FARSB: variants seen among roughly 807,000 people sequenced by gnomAD.
The protein encoded by FARSB is phenylalanyl-tRNA synthetase subunit beta.
In FARSB, 40 loss-of-function variants were observed where a neutral mutation model predicts 69.6. The ratio of observed to expected loss-of-function variants is 0.57; its 90% confidence interval spans 0.45 to 0.75. The LOEUF (loss-of-function observed/expected upper bound fraction) is 0.75, where lower values mean the gene tolerates loss of function less well. Among genes scored for constraint, FARSB ranks in the 30% least tolerant of loss-of-function variants. The pLI, the probability that FARSB is intolerant of heterozygous loss-of-function variation, is 0.00. For missense variants in FARSB, 632 were observed against 722.9 expected (o/e 0.87, Z 1.44); for synonymous variants, 235 against 247.2 (o/e 0.95, Z 0.46).
At chr2:222,604,211 C>G (rs1257001719) in intron 15 of FARSB, among the ~76,000 whole-genome samples, 4 of 148,206 alleles carry the variant, frequency 2.7e-5, no homozygotes, top group Non-Finnish European at 5.9e-5. Context: ...GAGCGAGACT[C>G]CGTCTTAAAA....
intron 14 of FARSB, among the ~76,000 whole-genome samples, chr2:222,619,066 C>T (rs1691071150): frequency 6.6e-6 from 1 of 151,282 alleles, no homozygotes; most frequent in Non-Finnish European, 1.5e-5. Context: ...GGCGTGAACC[C>T]GGGAGGCGGA....
intron 13 of FARSB, among the ~76,000 whole-genome samples, chr2:222,621,133 T>C (rs1014270295): frequency 6.6e-6 from 1 of 152,182 alleles, no homozygotes; most frequent in Non-Finnish European, 1.5e-5. Context: ...AAACTAGTCC[T>C]CTCTGTGTAA....
chr2:222,613,641 G>C (rs1054388507), intron 15 of FARSB, among the ~76,000 whole-genome samples, 170 bp downstream of exon 15: 8 of 152,220 alleles, frequency 5.3e-5, no homozygotes, highest in Non-Finnish European at 1.0e-4. Flanking sequence ...GAAGTTGATA[G>C]TGGTATAGAT....
At chr2:222,629,980 A>G (rs146320728) in intron 9 of FARSB, 133 bp downstream of exon 9, 1 of 611,110 alleles carries the variant, frequency 1.6e-6, no homozygotes. Context: ...GGCTCAAGCA[A>G]TCCTCCCGCC....
chr2:222,588,926 C>T lies in FARSB; in HGVS notation c.1618+11002G>A, dbSNP rs181545107. On this transcript the variant is annotated intron_variant, in intron 16 of 16. Transcript: ENST00000281828. ...GGAAGAATCAATATCGTGAAAATGG[C>T]CATACTGCCCAAGGTAATTTATAGA... Among the ~76,000 whole-genome samples, 790 of 152,198 alleles carry T rather than the reference C, an allele frequency of 5.2e-3. 17 individuals carry two copies. The East Asian group carries it at 0.064, about 12-fold the overall frequency.
rs769932780 is a variant in FARSB, at chr2:222,624,447, G to A, written c.995C>T (p.Thr332Ile). 2 of 1,613,090 alleles carry A rather than the reference G, an allele frequency of 1.2e-6. No homozygotes were observed. ...ETPENLAKLLTRMYLKSEVIG... is the reference protein window; with the variant it reads ...ETPENLAKLLIRMYLKSEVIG... Reference sequence around the variant, plus strand: ...GACTTCTGATTTTAAATACATCCTGGTCAGAAGTTTGGCAAGATTTTCTGG... The same window carrying A: ...GACTTCTGATTTTAAATACATCCTGATCAGAAGTTTGGCAAGATTTTCTGG... Residue 332 changes from threonine to isoleucine, a missense_variant, in exon 12 of 17, where the codon ACC (threonine) becomes ATC (isoleucine). Coordinates refer to ENST00000281828, the MANE Select transcript of FARSB (RefSeq NM_005687.5).
chr2:222,599,709 G>A (rs1399159258), intron 16 of FARSB, among the ~76,000 whole-genome samples: 1 of 152,138 alleles, frequency 6.6e-6, no homozygotes, highest in African/African-American at 2.4e-5. Flanking sequence ...CAGTTGGAAC[G>A]AAAGTATACT....
intron 12 of FARSB, 51 bp from the exon 13 acceptor site, chr2:222,623,781 TA>T (rs780113989): frequency 2.6e-6 from 3 of 1,142,928 alleles, no homozygotes; most frequent in Non-Finnish European, 4.0e-6. Context: ...TCTTGTTTTT[TA>T]AAAGGGAGAT....
At chr2:222,627,694 TAC>T (rs1691313191) in intron 10 of FARSB, among the ~76,000 whole-genome samples, 1 of 152,266 alleles carries the variant, frequency 6.6e-6, no homozygotes, top group South Asian at 2.1e-4. Context: ...TTATGCTTCA[TAC>T]AGTTATGTTT....
intron 16 of FARSB, among the ~76,000 whole-genome samples, chr2:222,574,606 A>G (rs1332221944): frequency 6.6e-6 from 1 of 152,184 alleles, no homozygotes; most frequent in African/African-American, 2.4e-5. Flanking sequence ...CCTATCATCC[A>G]ATACAAATTA....
intron 16 of FARSB, among the ~76,000 whole-genome samples, chr2:222,574,769 G>A (rs1412291341): frequency 6.6e-6 from 1 of 152,180 alleles, no homozygotes; most frequent in Non-Finnish European, 1.5e-5. Context: ...AACACTTCTT[G>A]TGATTTTCTT....
At chr2:222,643,689 T>C (rs1258027813) in intron 2 of FARSB, among the ~76,000 whole-genome samples, 1 of 152,048 alleles carries the variant, frequency 6.6e-6, no homozygotes, top group East Asian at 1.9e-4. Context: ...CAGACACTGG[T>C]AAAAATTAGA....
chr2:222,620,529 C>G (rs1401804267), intron 13 of FARSB, among the ~76,000 whole-genome samples: 1 of 152,192 alleles, frequency 6.6e-6, no homozygotes, highest in Admixed American at 6.5e-5. Context: ...ATTAAAAACT[C>G]ACTGACGATT....
chr2:222,617,630 T>C lies in FARSB; in HGVS notation c.1344+2015A>G, dbSNP rs559187293. 1.4e-4 allele frequency among the ~76,000 whole-genome samples: 22 copies of C among 152,338 alleles called. 1 individual carries two copies. The East Asian group carries it at 4.3e-3, about 29-fold the overall frequency. ...CAAGCGAGGTGGCTCACACTTGTCA[T>C]CCCAGCACTCTGGGAGGCCATGGTG... On this transcript the variant is annotated intron_variant, in intron 14 of 16. Coordinates refer to ENST00000281828, the MANE Select transcript of FARSB (RefSeq NM_005687.5).
rs902711129 is a variant in FARSB at position 222,640,211 on chromosome 2, C to T, written c.340-516G>A. Reference sequence around the variant, plus strand: ...ATTTTTTAGAAGGGTAAGCTTTGGACCAGGCACAGAGGCTCACAGCTATAA... The same window carrying T: ...ATTTTTTAGAAGGGTAAGCTTTGGATCAGGCACAGAGGCTCACAGCTATAA... On this transcript the variant is annotated intron_variant, in intron 4 of 16. Transcript: ENST00000281828. 3.3e-5 allele frequency among the ~76,000 whole-genome samples: 5 copies of T among 152,192 alleles called. No individual in the cohort carries two copies. The East Asian group carries it at 9.6e-4, about 29-fold the overall frequency.
intron 12 of FARSB, 106 bp from the exon 13 acceptor site, chr2:222,623,836 T>G: frequency 1.4e-6 from 1 of 720,682 alleles, no homozygotes; most frequent in African/African-American, 1.8e-5. Context: ...TAAAAATGTT[T>G]AAAAGATTAA....
intron 2 of FARSB, chr2:222,644,513 A>G (rs369885146): frequency 2.2e-6 from 1 of 455,386 alleles, no homozygotes; most frequent in Non-Finnish European, 4.4e-6. Flanking sequence ...TACTGTTTCA[A>G]TAGTGAAGAA....
intron 15 of FARSB, among the ~76,000 whole-genome samples, chr2:222,600,874 T>C (rs1690538542): frequency 6.6e-6 from 1 of 152,192 alleles, no homozygotes; most frequent in Admixed American, 6.5e-5. Flanking sequence ...GTTACACTAG[T>C]GTGTACTTTG....
At chr2:222,640,005 C>A (rs1321490410) in intron 4 of FARSB, among the ~76,000 whole-genome samples, 1 of 152,116 alleles carries the variant, frequency 6.6e-6, no homozygotes. Flanking sequence ...CATTAATGTT[C>A]CACAATTTAA....
Sources: allele counts gnomAD v4.1 joint callset (sites outside exome capture counted in the v4.1 genomes callset), GRCh38; gene constraint gnomAD v4.1.1; transcripts MANE v1.5; gene names NCBI Gene and HGNC (gene_info 2026-07-23, HGNC 2026-07-21).